The following CMIP variants were observed in gnomAD, a reference collection of about 807,000 sequenced individuals.
CMIP encodes the protein c-Maf inducing protein, also known as C-Maf-inducing protein.
CMIP carries 13 observed loss-of-function variants against 97.3 expected under a neutral mutation model. That is an observed-to-expected ratio of 0.13 (90% CI 0.09 to 0.21). CMIP has a LOEUF of 0.21. Ranked by LOEUF, CMIP falls within the 10% of genes least tolerant of loss-of-function variation. The pLI, the probability that CMIP is intolerant of heterozygous loss-of-function variation, is 1.00. For synonymous variants in CMIP, 538 were observed against 436.3 expected (o/e 1.23, Z -2.91); for missense variants, 847 against 1,024.9 (o/e 0.83, Z 2.37).
rs1256697139 is a variant in CMIP at position 81,627,767 on chromosome 16, C to T, written c.477+6841C>T. Among the ~76,000 whole-genome samples, 1 of 152,178 alleles carries T rather than the reference C, an allele frequency of 6.6e-6. No homozygotes were observed. The highest frequency in any genetic ancestry group is 1.5e-5 in the Non-Finnish European group (1 of 68,020). ...GACCGTGCCAAAGCCAGATGCCTCC[C>T]AGCGAGGGTCACAATCTCGCTTCCA... On this transcript the variant is annotated intron_variant, in intron 3 of 20. Transcript: ENST00000537098. This position sits in a 1 kb window ranked among gnomAD's most constrained non-coding sequence, Gnocchi z 4.6.
At chr16:81,493,510 TC>T (rs1396158842) in intron 1 of CMIP, among the ~76,000 whole-genome samples, 1 of 152,192 alleles carries the variant, frequency 6.6e-6, no homozygotes, top group Non-Finnish European at 1.5e-5. Context: ...ACCGTGTGAC[TC>T]AAGGGGCTGT....
intron 1 of CMIP, among the ~76,000 whole-genome samples, chr16:81,491,669 T>C (rs1272696984): frequency 6.6e-6 from 1 of 152,216 alleles, no homozygotes; most frequent in Non-Finnish European, 1.5e-5. Context: ...CTTGGCGAAC[T>C]CTTGCCGCTT....
At chr16:81,708,375 A>G (rs1908387538) in intron 20 of CMIP, among the ~76,000 whole-genome samples, 1 of 152,206 alleles carries the variant, frequency 6.6e-6, no homozygotes, top group African/African-American at 2.4e-5. Context: ...ATTTCTGGGC[A>G]CACTCGTGTT....
chr16:81,646,049 T>G (rs1237583416), intron 3 of CMIP, among the ~76,000 whole-genome samples: 3 of 151,450 alleles, frequency 2.0e-5, no homozygotes, highest in African/African-American at 7.3e-5. Context: ...GAAGGGTGAA[T>G]AGATCGATGA....
chr16:81,558,516 C>G (rs140935541), intron 1 of CMIP, among the ~76,000 whole-genome samples: 52 of 152,334 alleles, frequency 3.4e-4, no homozygotes, highest in African/African-American at 1.2e-3. Context: ...ACCAGGGATA[C>G]TGCTCAGTGC....
In CMIP at chr16:81,445,217, C is replaced by T. The variant is rs1905752019; in HGVS notation, c.-25C>T. 4 of 1,484,404 alleles carry T rather than the reference C, an allele frequency of 2.7e-6. No individual in the cohort carries two copies. The highest frequency in any genetic ancestry group is 2.8e-5 in the African/African-American group (2 of 71,366). 92.0% of individuals were successfully genotyped at this position (1,484,404 alleles called of 1,614,324 possible). A position where few individuals can be genotyped will look rare whatever the true frequency, so the allele number is the denominator to read the frequency against. ...CCCAGGACAGCCCCCTCTCCCCGCC[C>T]CCAGCCCCCTCCCCCGGCGCGGCCA... On this transcript the variant is annotated 5_prime_UTR_variant, in exon 1 of 21. Coordinates refer to ENST00000537098, the MANE Select transcript of CMIP (RefSeq NM_198390.3).
chr16:81,660,520 C>A (rs2092533570), intron 5 of CMIP, among the ~76,000 whole-genome samples: 1 of 152,156 alleles, frequency 6.6e-6, no homozygotes, highest in African/African-American at 2.4e-5. Context: ...AGTGATCTAC[C>A]TGCCTTGGCC....
chr16:81,554,920 C>T (rs1307915908), intron 1 of CMIP, among the ~76,000 whole-genome samples: 2 of 152,166 alleles, frequency 1.3e-5, no homozygotes, highest in African/African-American at 2.4e-5. Flanking sequence ...AAGCCCTGGC[C>T]GCAGGTGTCA....
intron 1 of CMIP, among the ~76,000 whole-genome samples, chr16:81,468,540 G>A (rs1047025234): frequency 6.6e-6 from 1 of 152,262 alleles, no homozygotes; most frequent in African/African-American, 2.4e-5. Flanking sequence ...CTTTCAGAGT[G>A]TTCTCTCATT....
chr16:81,562,603 C>G (rs1008696607), intron 1 of CMIP, among the ~76,000 whole-genome samples: 9 of 152,206 alleles, frequency 5.9e-5, no homozygotes, highest in African/African-American at 1.9e-4. Flanking sequence ...GCTTCCTAGC[C>G]ACGCCCACGC....
At chr16:81,548,823 G>T (rs1053849807) in intron 1 of CMIP, among the ~76,000 whole-genome samples, 3 of 152,178 alleles carry the variant, frequency 2.0e-5, no homozygotes, top group African/African-American at 7.2e-5. Context: ...TCCAGCCTGG[G>T]TGACAGAGCA....
intron 1 of CMIP, among the ~76,000 whole-genome samples, chr16:81,537,958 G>T (rs986758319): frequency 3.3e-5 from 5 of 152,234 alleles, no homozygotes; most frequent in Non-Finnish European, 7.3e-5. Context: ...AGGCCGAGGC[G>T]GGTGGGAAGA....
intron 1 of CMIP, among the ~76,000 whole-genome samples, chr16:81,595,989 A>T (rs1362005901): frequency 6.6e-6 from 1 of 152,104 alleles, no homozygotes; most frequent in Non-Finnish European, 1.5e-5. Context: ...TTACATTCAC[A>T]CTAGTGGTGT....
intron 14 of CMIP, chr16:81,697,509 C>T (rs541274326): frequency 1.3e-5 from 2 of 152,276 alleles, no homozygotes; most frequent in Non-Finnish European, 2.9e-5. Flanking sequence ...GGCTTCCAGT[C>T]GCAGCTCTGC....
chr16:81,701,269 A>T (rs1366586369), intron 15 of CMIP, among the ~76,000 whole-genome samples: 1 of 152,274 alleles, frequency 6.6e-6, no homozygotes, highest in African/African-American at 2.4e-5. Context: ...CCATTCCGTG[A>T]GTTTGAGCAC....
chr16:81,471,532 C>T (rs1359946919), intron 1 of CMIP, among the ~76,000 whole-genome samples: 1 of 147,050 alleles, frequency 6.8e-6, no homozygotes, highest in African/African-American at 2.5e-5. Flanking sequence ...AATACACATA[C>T]CAGTGTACAC....
chr16:81,628,639 G>C (rs2092106994), intron 3 of CMIP, among the ~76,000 whole-genome samples: 1 of 152,180 alleles, frequency 6.6e-6, no homozygotes, highest in African/African-American at 2.4e-5. Context: ...CAGCCACCGG[G>C]AGTGTGGCTC....
At chr16:81,634,544 T>C (rs758215159) in intron 3 of CMIP, among the ~76,000 whole-genome samples, 14 of 152,176 alleles carry the variant, frequency 9.2e-5, no homozygotes, top group Admixed American at 3.3e-4. Flanking sequence ...GTGAACACCA[T>C]TGAACTCACT....
At chr16:81,541,514 GTT>G (rs768945615) in intron 1 of CMIP, among the ~76,000 whole-genome samples, 1 of 152,322 alleles carries the variant, frequency 6.6e-6, no homozygotes, top group Non-Finnish European at 1.5e-5. Context: ...TCTTCCATGA[GTT>G]GAGCTGTTTG....
Sources: gnomAD v4.1 joint callset for allele counts (sites outside exome capture counted in the v4.1 genomes callset) on GRCh38, gnomAD v4.1.1 for gene constraint, Gnocchi (gnomAD v3.1) non-coding constraint, MANE v1.5 for transcripts, NCBI Gene and HGNC (gene_info 2026-07-23, HGNC 2026-07-21) for gene names.